Variants in CFTR observed in about 807,000 individuals in gnomAD.
CFTR encodes CF transmembrane conductance regulator.
In CFTR, 181 loss-of-function variants were observed where a neutral mutation model predicts 171.6. That is an observed-to-expected ratio of 1.05 (90% CI 0.93 to 1.19). The LOEUF (loss-of-function observed/expected upper bound fraction) is 1.19. Ranked by LOEUF, CFTR falls within the 50% of genes most tolerant of loss-of-function variation. The pLI is 0.00. For synonymous variants in CFTR, 583 were observed against 608.0 expected (o/e 0.96, Z 0.60); for missense variants, 1,968 against 1,734.7 (o/e 1.13, Z -2.39).
intron 11 of CFTR, among the ~76,000 whole-genome samples, chr7:117,560,105 C>T (rs1322246310): frequency 6.6e-6 from 1 of 151,998 alleles, no homozygotes; most frequent in Non-Finnish European, 1.5e-5. Context: ...CATTGATCTG[C>T]CAGCAGAGAA....
intron 11 of CFTR, chr7:117,560,679 A>G (rs954753468): frequency 6.6e-6 from 1 of 151,978 alleles, no homozygotes; most frequent in Non-Finnish European, 1.5e-5. Context: ...TATTTTTTAT[A>G]CACTTTGAGA....
At chr7:117,558,672 T>C (rs995984767) in intron 10 of CFTR, among the ~76,000 whole-genome samples, 3 of 152,162 alleles carry the variant, frequency 2.0e-5, no homozygotes, top group African/African-American at 7.2e-5. Context: ...AGATTTATCT[T>C]TGTATTGTTA....
At chr7:117,589,981 G>A (rs1033920700) in intron 12 of CFTR, among the ~76,000 whole-genome samples, 7 of 151,958 alleles carry the variant, frequency 4.6e-5, no homozygotes, top group African/African-American at 1.7e-4. Context: ...CCTCTAAATA[G>A]ATACTATTGT....
chr7:117,660,039 T>C (rs1387560739), intron 24 of CFTR, among the ~76,000 whole-genome samples: 3 of 152,178 alleles, frequency 2.0e-5, no homozygotes, highest in Admixed American at 6.5e-5. Context: ...CATTTTTTTT[T>C]TTTTAGTTTA....
intron 12 of CFTR, among the ~76,000 whole-genome samples, chr7:117,589,576 G>C (rs1317696328): frequency 6.6e-6 from 1 of 151,800 alleles, no homozygotes; most frequent in Non-Finnish European, 1.5e-5. Context: ...CTGTTCTAAG[G>C]TCAACTCAAT....
At chr7:117,512,413 G>T (rs1584777709) in intron 3 of CFTR, among the ~76,000 whole-genome samples, 1 of 151,994 alleles carries the variant, frequency 6.6e-6, no homozygotes, top group South Asian at 2.1e-4. Flanking sequence ...AAATCACAAG[G>T]TCAGGAGTTT....
chr7:117,571,116 G>A (rs1460153198), intron 11 of CFTR, among the ~76,000 whole-genome samples: 1 of 152,094 alleles, frequency 6.6e-6, no homozygotes, highest in Non-Finnish European at 1.5e-5. Context: ...TCCAGGTGGT[G>A]GACAGTCAGC....
intron 18 of CFTR, 81 bp from the exon 19 acceptor site, chr7:117,610,438 A>T: frequency 2.4e-6 from 3 of 1,247,420 alleles, no homozygotes; most frequent in African/African-American, 1.5e-5. Context: ...AAAAAAAAAA[A>T]GAAATAAATC....
At chr7:117,660,684 G>A (rs887756016) in intron 24 of CFTR, among the ~76,000 whole-genome samples, 4 of 151,366 alleles carry the variant, frequency 2.6e-5, no homozygotes, top group Non-Finnish European at 5.9e-5. Context: ...GTGTGTGTGT[G>A]TGTGTATATA....
Position 117,534,381 on chromosome 7 carries a change from T to C in CFTR, c.579+16T>C. On this transcript the variant is annotated intron_variant, in intron 5 of 26. Transcript: ENST00000003084. Reference sequence around the variant, plus strand: ...ATTTGATGAAGTATGTACCTATTGATTTAATCTTTTAGGCACTATTGTTAT... The same window carrying C: ...ATTTGATGAAGTATGTACCTATTGACTTAATCTTTTAGGCACTATTGTTAT... 9 of 1,327,962 alleles carry C rather than the reference T, an allele frequency of 6.8e-6. No homozygotes were observed. Among genetic ancestry groups the C allele is most frequent in the Non-Finnish European group, 9.8e-6 (9 of 920,420 alleles). 82.3% of individuals were successfully genotyped at this position (1,327,962 alleles called of 1,614,324 possible). A position where few individuals can be genotyped will look rare whatever the true frequency, so the allele number is the denominator to read the frequency against.
chr7:117,625,827 C>G (rs1792641692), intron 21 of CFTR, among the ~76,000 whole-genome samples: 1 of 152,110 alleles, frequency 6.6e-6, no homozygotes, highest in Non-Finnish European at 1.5e-5. Flanking sequence ...TTATTATAGA[C>G]TAGCAGCTCT....
chr7:117,503,552 A>G (rs1798365786), intron 1 of CFTR, among the ~76,000 whole-genome samples: 1 of 152,176 alleles, frequency 6.6e-6, no homozygotes, highest in African/African-American at 2.4e-5. Flanking sequence ...TCACTACGGT[A>G]TCCTGCATAG....
intron 22 of CFTR, among the ~76,000 whole-genome samples, chr7:117,639,144 CA>C (rs555271895): frequency 1.4e-4 from 22 of 152,302 alleles, no homozygotes; most frequent in African/African-American, 5.3e-4. Flanking sequence ...CATGTGAAAA[CA>C]CTTTGTCCAT....
intron 10 of CFTR, among the ~76,000 whole-genome samples, chr7:117,554,367 A>T (rs1489472600): frequency 6.6e-6 from 1 of 152,180 alleles, no homozygotes. Context: ...GAGGAGTCAA[A>T]GATGATTCCA....
At chr7:117,587,184 G>A (rs540839513) in intron 11 of CFTR, among the ~76,000 whole-genome samples, 16 of 152,250 alleles carry the variant, frequency 1.1e-4, no homozygotes, top group African/African-American at 3.1e-4. Flanking sequence ...GAGGATGGAC[G>A]AGGAAGAAAG....
intron 1 of CFTR, among the ~76,000 whole-genome samples, chr7:117,499,167 A>G (rs1798282213): frequency 1.3e-5 from 2 of 152,274 alleles, no homozygotes; most frequent in South Asian, 4.1e-4. Context: ...TTTGACTTGA[A>G]AAGATCTGAT....
intron 3 of CFTR, among the ~76,000 whole-genome samples, chr7:117,519,382 A>C (rs1413128127): frequency 6.6e-6 from 1 of 152,072 alleles, no homozygotes; most frequent in East Asian, 1.9e-4. Context: ...CAAAAAATTG[A>C]CACTCACTTT....
At chr7:117,569,390 C>T (rs955271451) in intron 11 of CFTR, among the ~76,000 whole-genome samples, 1 of 152,052 alleles carries the variant, frequency 6.6e-6, no homozygotes, top group East Asian at 1.9e-4. Context: ...TTCCTAAGTA[C>T]CCATTGGATC....
At chr7:117,521,624 A>T (rs1798687878) in intron 3 of CFTR, among the ~76,000 whole-genome samples, 2 of 152,162 alleles carry the variant, frequency 1.3e-5, no homozygotes. Flanking sequence ...CGACATATAA[A>T]GTACTGTATA....
Sources: allele counts gnomAD v4.1 joint callset (sites outside exome capture counted in the v4.1 genomes callset), GRCh38; gene constraint gnomAD v4.1.1; transcripts MANE v1.5; gene names NCBI Gene and HGNC (gene_info 2026-07-23, HGNC 2026-07-21).